Variants in ZBTB46 observed in about 807,000 individuals in gnomAD.
The protein encoded by ZBTB46 is zinc finger and BTB domain-containing protein 46.
Under a neutral mutation model 44.1 loss-of-function variants are expected in ZBTB46, and 8 were observed. The ratio of observed to expected loss-of-function variants is 0.18; its 90% CI spans 0.11 to 0.33. ZBTB46 has a LOEUF of 0.33. Among genes scored for constraint, ZBTB46 ranks in the 10% least tolerant of loss-of-function variants. ZBTB46 has a pLI of 1.00. For missense variants in ZBTB46, 651 were observed against 847.7 expected (o/e 0.77, Z 2.88); for synonymous variants, 409 against 382.3 (o/e 1.07, Z -0.81).
At chr20:63,815,240 G>A (rs2092741649) in intron 1 of ZBTB46, 1 of 273,740 alleles carries the variant, frequency 3.7e-6, no homozygotes, top group Non-Finnish European at 7.1e-6. Context: ...AGTGCAATGG[G>A]TGCAGGTGCA....
At chr20:63,766,264 G>A (rs1052341984) in intron 3 of ZBTB46, among the ~76,000 whole-genome samples, 11 of 142,630 alleles carry the variant, frequency 7.7e-5, no homozygotes, top group African/African-American at 2.1e-4. Flanking sequence ...TGCCCAGGCT[G>A]GAGTGCAATG....
At chr20:63,822,015 CTGCGAGA>C (rs1484135105) in intron 1 of ZBTB46, among the ~76,000 whole-genome samples, 1 of 152,218 alleles carries the variant, frequency 6.6e-6, no homozygotes, top group Non-Finnish European at 1.5e-5. Context: ...ACTCAGCACA[CTGCGAGA>C]ACTTACACCT....
intron 1 of ZBTB46, among the ~76,000 whole-genome samples, chr20:63,791,092 G>A (rs1425316408): frequency 2.6e-5 from 4 of 152,242 alleles, no homozygotes; most frequent in African/African-American, 7.2e-5. Context: ...CAGGAACGAT[G>A]AGAACACCCA....
intron 1 of ZBTB46, among the ~76,000 whole-genome samples, chr20:63,829,238 G>C (rs550946915): frequency 7.6e-4 from 115 of 152,232 alleles, no homozygotes; most frequent in African/African-American, 2.6e-3. Context: ...CACCCAACCC[G>C]AACATCCGAA....
intron 2 of ZBTB46, among the ~76,000 whole-genome samples, chr20:63,781,273 T>C (rs2092468181): frequency 6.6e-6 from 1 of 151,698 alleles, no homozygotes; most frequent in Non-Finnish European, 1.5e-5. Context: ...TAATAAAAGA[T>C]GGGCAGAAGA....
rs368308719 is a variant in ZBTB46, at chr20:63,767,410, C to A, written c.1222+8268G>T. ...GGAGATGCCTTCACCTGGCAGCAGC[C>A]GGCAGAGGACTCGAGAAATGACCAC... On this transcript the variant is annotated intron_variant, in intron 3 of 4. Transcript: ENST00000245663. This position sits in a 1 kb window ranked among gnomAD's most constrained non-coding sequence, Gnocchi z 5.0. Among the ~76,000 whole-genome samples, 6 of 152,130 alleles carry A rather than the reference C, an allele frequency of 3.9e-5. No homozygotes were observed. Among genetic ancestry groups the A allele is most frequent in the South Asian group, 2.1e-4 (1 of 4,828 alleles).
chr20:63,790,372 A>G lies in ZBTB46; in HGVS notation c.386T>C (p.Leu129Pro), dbSNP rs1395337663. ...QACHDFIKAA[L>P]DISIKSDASD... is the part of the protein sequence containing the mutation. ...GGCGTCCGACTTGATGCTGATGTCC[A>G]GCGCCGCCTTGATGAAGTCGTGGCA... The change falls in exon 2 of 5, where the codon CTG (leucine) becomes CCG (proline). Residue 129 changes from leucine to proline, a missense_variant. Around this residue, in one of 5 missense-constraint regions of ZBTB46, gnomAD observed 385 missense variants for 423.3 expected, o/e 0.91. Transcript: ENST00000245663. 3 of 1,613,154 alleles carry G rather than the reference A, an allele frequency of 1.9e-6. No homozygotes were observed. Among genetic ancestry groups the G allele is most frequent in the Non-Finnish European group, 1.7e-6 (2 of 1,179,898 alleles).
At chr20:63,771,704 C>T (rs1448645028) in intron 3 of ZBTB46, among the ~76,000 whole-genome samples, 1 of 152,220 alleles carries the variant, frequency 6.6e-6, no homozygotes, top group Non-Finnish European at 1.5e-5. Flanking sequence ...TACTCCCGCG[C>T]GGATTCCACG....
Position 63,807,637 on chromosome 20 carries a change from G to A in ZBTB46, c.-33-16847C>T, listed in dbSNP as rs544936400. On this transcript the variant is annotated intron_variant, in intron 1 of 4. Transcript: ENST00000245663. Reference sequence around the variant, plus strand: ...TGGGACTACAGGTGTGAGCCACCGCGCCCGGCCTTCAGCTACTCCATTTTT... The same window carrying A: ...TGGGACTACAGGTGTGAGCCACCGCACCCGGCCTTCAGCTACTCCATTTTT... 3.3e-5 allele frequency among the ~76,000 whole-genome samples: 5 copies of A among 152,344 alleles called. No individual in the cohort carries two copies. In the South Asian group the frequency reaches 8.3e-4, roughly 25 times the overall value.
At chr20:63,774,759 A>AGTGG (rs373428037) in intron 3 of ZBTB46, among the ~76,000 whole-genome samples, 11 of 98,898 alleles carry the variant, frequency 1.1e-4, no homozygotes, top group African/African-American at 3.9e-4. Context: ...GCTGGAGTGC[A>AGTGG]GTGGCGCGAT....
chr20:63,808,331 GC>G (rs1214881789), intron 1 of ZBTB46, among the ~76,000 whole-genome samples: 50 of 151,918 alleles, frequency 3.3e-4, no homozygotes, highest in African/African-American at 1.2e-3. Flanking sequence ...CCCAGCCCTT[GC>G]CCCGGGGGCT....
intron 1 of ZBTB46, among the ~76,000 whole-genome samples, chr20:63,804,530 CCCT>C (rs1453084859): frequency 6.6e-6 from 1 of 152,150 alleles, no homozygotes; most frequent in African/African-American, 2.4e-5. Flanking sequence ...CACTGCCCTG[CCCT>C]CCTCTCAGCC....
At chr20:63,788,437 G>C (rs1180017171) in intron 2 of ZBTB46, 1 of 152,220 alleles carries the variant, frequency 6.6e-6, no homozygotes, top group African/African-American at 2.4e-5. Flanking sequence ...ACACATAAGG[G>C]ACAACCATTC....
At chr20:63,826,912 A>G (rs1456720896) in intron 1 of ZBTB46, among the ~76,000 whole-genome samples, 6 of 152,180 alleles carry the variant, frequency 3.9e-5, no homozygotes, top group Non-Finnish European at 5.9e-5. Flanking sequence ...CCCTCCGGCC[A>G]GCAATCCACT....
chr20:63,778,696 G>A (rs12710318), intron 2 of ZBTB46, among the ~76,000 whole-genome samples: 81,928 of 151,690 alleles, frequency 0.54, 22,290 homozygotes, highest in South Asian at 0.62. Context: ...GGCCTCTAAG[G>A]GATATGTTTC....
upstream of ZBTB46, among the ~76,000 whole-genome samples, chr20:63,831,545 C>T (rs1438985625): frequency 4.0e-5 from 6 of 148,234 alleles, no homozygotes; most frequent in African/African-American, 7.4e-5. Flanking sequence ...CGGGCTGGAG[C>T]TCGCTGGGCA....
At chr20:63,783,876 G>C (rs778402159) in intron 2 of ZBTB46, among the ~76,000 whole-genome samples, 1 of 152,194 alleles carries the variant, frequency 6.6e-6, no homozygotes, top group East Asian at 1.9e-4. Context: ...CAGATCTGCC[G>C]TGCTGCTGAA....
chr20:63,747,219 C>A lies in ZBTB46; in HGVS notation c.1481G>T (p.Gly494Val). ...MSAASVGIRH[G>V]SRRHGVCTDC... is the part of the protein sequence containing the mutation. The stretch of plus-strand genomic sequence containing the variant: ...GGTGCACACACCGTGGCGCCTGGAG[C>A]CATGCCTGATGCCCACGCTGGCGGC... The change falls in exon 5 of 5, where the codon GGC becomes GTC. Residue 494 changes from glycine to valine, a missense_variant. Gly to Val is a moderately radical substitution (Grantham distance 109, BLOSUM62 -3). Coordinates refer to ENST00000245663, the MANE Select transcript of ZBTB46 (RefSeq NM_001369741.1). 6.3e-7 allele frequency: 1 copy of A among 1,599,426 alleles called. No individual in the cohort carries two copies. The highest frequency in any genetic ancestry group is 8.5e-7 in the Non-Finnish European group (1 of 1,172,996).
chr20:63,827,539 C>T (rs1310630835), intron 1 of ZBTB46, among the ~76,000 whole-genome samples: 9 of 147,984 alleles, frequency 6.1e-5, no homozygotes, highest in East Asian at 2.0e-4. Context: ...ACCCGGGAAG[C>T]GGAGCTTGCA....
Sources: allele counts gnomAD v4.1 joint callset (sites outside exome capture counted in the v4.1 genomes callset), GRCh38; gene constraint gnomAD v4.1.1; regional missense constraint gnomAD v4.1.1; non-coding constraint Gnocchi (gnomAD v3.1); transcripts MANE v1.5; gene names NCBI Gene and HGNC (gene_info 2026-07-23, HGNC 2026-07-21).